KIRREL3: variants seen among roughly 807,000 people sequenced by gnomAD.
KIRREL3 encodes the protein kirre like nephrin family adhesion molecule 3.
A neutral mutation model predicts 89.7 loss-of-function variants in KIRREL3; 36 were observed. That is an observed-to-expected ratio of 0.40 (90% CI 0.31 to 0.53). The LOEUF is 0.53. KIRREL3 is among the 20% of genes least tolerant of loss of function. The pLI, the probability that KIRREL3 is intolerant of heterozygous loss-of-function variation, is 0.49. For synonymous variants in KIRREL3, 445 were observed against 441.4 expected (o/e 1.01, Z -0.10); for missense variants, 864 against 1,056.6 (o/e 0.82, Z 2.53).
Position 126,462,751 on chromosome 11 carries a change from C to A in KIRREL3, c.742+406G>T, listed in dbSNP as rs538218192. Among the ~76,000 whole-genome samples the A allele has an allele frequency of 7.4e-4, 112 of 152,310 alleles. No homozygotes were observed. The highest frequency in any genetic ancestry group is 2.6e-3 in the African/African-American group (109 of 41,574). On this transcript the variant is annotated intron_variant, in intron 6 of 16. Transcript: ENST00000525144. This position sits in a 1 kb window ranked among gnomAD's most constrained non-coding sequence, Gnocchi z 4.8. ...TTGATCAACCCTTCCATGAGAGTGG[C>A]TGGTGCACCCTCTCCAGAGCACAGC...
In KIRREL3 at chr11:126,808,890, G is replaced by A. The variant is rs1951289307; in HGVS notation, c.55+191565C>T. ...ACAAATGTTTATATAGCATGAGAAG[G>A]CCACTGTCAAGGTCGGGAGGTTCCA... On this transcript the variant is annotated intron_variant, in intron 1 of 16. Transcript: ENST00000525144. The surrounding 1 kb of genome is among the most constrained non-coding windows in gnomAD (Gnocchi z 4.1). 6.6e-6 allele frequency among the ~76,000 whole-genome samples: 1 copy of A among 152,148 alleles called. No homozygotes were observed. Among genetic ancestry groups the A allele is most frequent in the African/African-American group, 2.4e-5 (1 of 41,434 alleles).
chr11:126,641,666 G>T lies in KIRREL3; in HGVS notation c.56-78754C>A, dbSNP rs1228886696. Among the ~76,000 whole-genome samples, 3 of 152,076 alleles carry T rather than the reference G, an allele frequency of 2.0e-5. No individual in the cohort carries two copies. The East Asian group carries it at 5.8e-4, about 29-fold the overall frequency. On this transcript the variant is annotated intron_variant, in intron 1 of 16. Coordinates refer to ENST00000525144, the MANE Select transcript of KIRREL3 (RefSeq NM_032531.4). This position sits in a 1 kb window ranked among gnomAD's most constrained non-coding sequence, Gnocchi z 5.0. ...CATGTCCCACTGCACCCTTGCAGCT[G>T]ACTCCATACCCCTATTACATAACAC... is the stretch of plus-strand genomic sequence containing the variant.
intron 1 of KIRREL3, among the ~76,000 whole-genome samples, chr11:126,833,288 A>G (rs956719655): frequency 4.6e-5 from 7 of 152,222 alleles, no homozygotes; most frequent in African/African-American, 1.7e-4. Flanking sequence ...AAATAGGCAC[A>G]CCCACACATT....
At chr11:126,442,192 T>A (rs1431532244) in intron 10 of KIRREL3, among the ~76,000 whole-genome samples, 1 of 134,984 alleles carries the variant, frequency 7.4e-6, no homozygotes, top group Non-Finnish European at 1.5e-5. Context: ...ACCTGGGAGG[T>A]GGAGGTTGCA....
At position 126,868,373 on chromosome 11, in the gene KIRREL3, GA is replaced by G. The variant is rs556172432; in HGVS notation, c.55+132081del. On this transcript the variant is annotated intron_variant, in intron 1 of 16. Coordinates refer to ENST00000525144, the MANE Select transcript of KIRREL3 (RefSeq NM_032531.4). ...TCGATGTGGGTCGTCAGCAAGGCTG[GA>G]GAGGGCTCAGGAGAAAGTGTGGCTG... Among the ~76,000 whole-genome samples the G allele has an allele frequency of 9.8e-4, 149 of 152,320 alleles. 1 individual carries two copies. Among genetic ancestry groups the G allele is most frequent in the African/African-American group, 3.5e-3 (145 of 41,572 alleles).
At chr11:126,497,170 G>A (rs558843273) in intron 4 of KIRREL3, among the ~76,000 whole-genome samples, 23 of 148,400 alleles carry the variant, frequency 1.5e-4, no homozygotes, top group African/African-American at 5.6e-4. Flanking sequence ...GTGTGCATGT[G>A]TAAGAGAGTG....
rs1379042637 is a variant in KIRREL3 at position 126,808,339 on chromosome 11, G to A, written c.55+192116C>T. 2.0e-5 allele frequency among the ~76,000 whole-genome samples: 3 copies of A among 152,164 alleles called. No individual in the cohort carries two copies. The highest frequency in any genetic ancestry group is 2.9e-5 in the Non-Finnish European group (2 of 68,028). ...TTTGGCAAGCTACAATGGGGGTGCAGCTTTCAAGGAGTCATTTCAGCAATT... is the reference window on the plus strand; with the variant it reads ...TTTGGCAAGCTACAATGGGGGTGCAACTTTCAAGGAGTCATTTCAGCAATT... On this transcript the variant is annotated intron_variant, in intron 1 of 16. Coordinates refer to ENST00000525144, the MANE Select transcript of KIRREL3 (RefSeq NM_032531.4). This position sits in a 1 kb window ranked among gnomAD's most constrained non-coding sequence, Gnocchi z 4.1.
intron 4 of KIRREL3, among the ~76,000 whole-genome samples, chr11:126,493,466 T>C (rs1376632533): frequency 1.3e-5 from 2 of 151,788 alleles, no homozygotes; most frequent in African/African-American, 4.8e-5. Context: ...CCACCCTGGC[T>C]AACACGGTGA....
At chr11:126,625,168 A>G (rs1943730084) in intron 1 of KIRREL3, among the ~76,000 whole-genome samples, 1 of 152,160 alleles carries the variant, frequency 6.6e-6, no homozygotes. Context: ...GCATGTGACC[A>G]CTTCAGTGCA....
At position 126,523,361 on chromosome 11, in the gene KIRREL3, G is replaced by A. The variant is rs982614902; in HGVS notation, c.284-1897C>T. Among the ~76,000 whole-genome samples the A allele has an allele frequency of 1.3e-5, 2 of 152,160 alleles. No homozygotes were observed. Among genetic ancestry groups the A allele is most frequent in the Non-Finnish European group, 1.5e-5 (1 of 68,024 alleles). ...GGGCAGGCCTCCCTGGGGGTGGGCT[G>A]TACAACGGGCCACCAGCACTTGTTC... On this transcript the variant is annotated intron_variant, in intron 3 of 16. Transcript: ENST00000525144. The surrounding 1 kb of genome is among the most constrained non-coding windows in gnomAD (Gnocchi z 4.9).
At chr11:126,588,332 GCCACAGGTAT>G (rs1275744897) in intron 1 of KIRREL3, among the ~76,000 whole-genome samples, 1 of 152,232 alleles carries the variant, frequency 6.6e-6, no homozygotes, top group Non-Finnish European at 1.5e-5. Flanking sequence ...AGTGTACTCA[GCCACAGGTAT>G]CCTTGAAGAG....
intron 5 of KIRREL3, among the ~76,000 whole-genome samples, chr11:126,472,050 C>T (rs774849317): frequency 1.3e-5 from 2 of 152,294 alleles, no homozygotes; most frequent in Middle Eastern, 3.4e-3. Context: ...CTTCACCTGG[C>T]AGCCCTGGAA....
chr11:126,962,930 G>T (rs7116085), intron 1 of KIRREL3, among the ~76,000 whole-genome samples: 8,837 of 152,204 alleles, frequency 0.058, 278 homozygotes, highest in African/African-American at 0.078. Flanking sequence ...TAGCAATAAA[G>T]ATTTTGTAAA....
In KIRREL3 at chr11:126,618,236, C is replaced by T. The variant is rs7931549; in HGVS notation, c.56-55324G>A. ...CTAGGCTGAGGCAGATTTATAGTTA[C>T]GCATTGGCCAGGGTGGTGCTAACTC... On this transcript the variant is annotated intron_variant, in intron 1 of 16. Transcript: ENST00000525144. Among the ~76,000 whole-genome samples the T allele has an allele frequency of 4.8e-3, 721 of 150,618 alleles. 8 individuals are homozygous for T. Among genetic ancestry groups the T allele is most frequent in the African/African-American group, 0.017 (694 of 40,960 alleles).
intron 1 of KIRREL3, among the ~76,000 whole-genome samples, chr11:126,902,804 C>A (rs1433046845): frequency 6.6e-6 from 1 of 152,134 alleles, no homozygotes; most frequent in Non-Finnish European, 1.5e-5. Flanking sequence ...GGAAGAGATG[C>A]AATTTTGTAT....
At chr11:126,798,060 G>A (rs577084305) in intron 1 of KIRREL3, among the ~76,000 whole-genome samples, 2 of 152,262 alleles carry the variant, frequency 1.3e-5, no homozygotes, top group African/African-American at 4.8e-5. Flanking sequence ...GATGACTGTG[G>A]AAGTGATGGC....
rs1452941008 is a variant in KIRREL3, at chr11:126,990,310, T to A, written c.55+10145A>T. ...TAGCTGCTGCCACCCTTCATCCGGA[T>A]CCCCTCAAACACTCCACCCTCACAC... On this transcript the variant is annotated intron_variant, in intron 1 of 16. Coordinates refer to ENST00000525144, the MANE Select transcript of KIRREL3 (RefSeq NM_032531.4). This position sits in a 1 kb window ranked among gnomAD's most constrained non-coding sequence, Gnocchi z 6.3. Among the ~76,000 whole-genome samples the A allele has an allele frequency of 1.3e-5, 2 of 151,892 alleles. No homozygotes were observed. Among genetic ancestry groups the A allele is most frequent in the Non-Finnish European group, 2.9e-5 (2 of 67,964 alleles).
chr11:126,728,971 C>A (rs528331377), intron 1 of KIRREL3, among the ~76,000 whole-genome samples: 25 of 152,196 alleles, frequency 1.6e-4, no homozygotes, highest in African/African-American at 5.8e-4. Context: ...AATGGCTGGG[C>A]AGTGGGCTGT....
rs1950084093 is a variant in KIRREL3 at position 126,773,648 on chromosome 11, C to T, written c.56-210736G>A. Among the ~76,000 whole-genome samples, 1 of 152,110 alleles carries T rather than the reference C, an allele frequency of 6.6e-6. No individual in the cohort carries two copies. Among genetic ancestry groups the T allele is most frequent in the Admixed American group, 6.6e-5 (1 of 15,264 alleles). The stretch of plus-strand genomic sequence containing the variant: ...CTTACAGGGAGCACACTAGCTTCTG[C>T]CATAGGAAGAACATCAAGCTGTATG... On this transcript the variant is annotated intron_variant, in intron 1 of 16. Coordinates refer to ENST00000525144, the MANE Select transcript of KIRREL3 (RefSeq NM_032531.4). The surrounding 1 kb of genome is among the most constrained non-coding windows in gnomAD (Gnocchi z 4.2).
Sources: gnomAD v4.1 joint callset for allele counts (sites outside exome capture counted in the v4.1 genomes callset) on GRCh38, gnomAD v4.1.1 for gene constraint, Gnocchi (gnomAD v3.1) non-coding constraint, MANE v1.5 for transcripts, NCBI Gene and HGNC (gene_info 2026-07-23, HGNC 2026-07-21) for gene names.